ZGRF1: variants seen among roughly 807,000 people sequenced by gnomAD.
The protein encoded by ZGRF1 is zinc finger GRF-type containing 1.
In ZGRF1, 196 loss-of-function variants were observed where a neutral mutation model predicts 203.5. That is an observed-to-expected ratio of 0.96 (90% CI 0.86 to 1.08). The LOEUF (loss-of-function observed/expected upper bound fraction) is 1.08. ZGRF1 is among the 50% of genes least tolerant of loss of function. The pLI is 0.00. For synonymous variants in ZGRF1, 809 were observed against 841.3 expected (o/e 0.96, Z 0.66); for missense variants, 2,326 against 2,416.3 (o/e 0.96, Z 0.78).
rs916653915 is a variant in ZGRF1 at position 112,545,643 on chromosome 4, T to G, written c.5598+1642A>C. The stretch of plus-strand genomic sequence containing the variant: ...TTATACTTCTGGGTATGTATTGAAC[T>G]GAAAGCAGGGATTTGAACAAGTATC... On this transcript the variant is annotated intron_variant, in intron 24 of 27. Transcript: ENST00000505019. 4.6e-5 allele frequency among the ~76,000 whole-genome samples: 7 copies of G among 152,222 alleles called. No individual in the cohort carries two copies. The South Asian group carries it at 1.4e-3, about 31-fold the overall frequency.
intron 24 of ZGRF1, among the ~76,000 whole-genome samples, chr4:112,546,434 G>GTT (rs960590472): frequency 6.6e-6 from 1 of 151,916 alleles, no homozygotes; most frequent in African/African-American, 2.4e-5. Flanking sequence ...AGAAAAAAAA[G>GTT]TTTTTTTTAA....
intron 7 of ZGRF1, among the ~76,000 whole-genome samples, chr4:112,611,669 T>G (rs901324953): frequency 3.3e-5 from 5 of 152,188 alleles, no homozygotes; most frequent in African/African-American, 4.8e-5. Flanking sequence ...CACAATGAAC[T>G]CACAGGAGCT....
chr4:112,609,925 A>G (rs908085983), intron 7 of ZGRF1, among the ~76,000 whole-genome samples: 1 of 152,300 alleles, frequency 6.6e-6, no homozygotes, highest in Non-Finnish European at 1.5e-5. Context: ...AGACTGCTTG[A>G]GCCCATGAGT....
At chr4:112,607,208 T>C (rs555079445) in intron 8 of ZGRF1, among the ~76,000 whole-genome samples, 13 of 152,294 alleles carry the variant, frequency 8.5e-5, no homozygotes, top group African/African-American at 2.9e-4. Context: ...CACTGAAGCC[T>C]TGACCTCTGG....
intron 20 of ZGRF1, among the ~76,000 whole-genome samples, chr4:112,556,335 G>A (rs1740938428): frequency 6.6e-6 from 1 of 152,082 alleles, no homozygotes; most frequent in Non-Finnish European, 1.5e-5. Context: ...ATCAAAAATT[G>A]CTTAATGTAT....
At chr4:112,628,199 C>T (rs560453181) in intron 3 of ZGRF1, among the ~76,000 whole-genome samples, 12 of 152,196 alleles carry the variant, frequency 7.9e-5, no homozygotes, top group Non-Finnish European at 1.8e-4. Context: ...TAATAACAAA[C>T]TACCATTCAT....
intron 6 of ZGRF1, among the ~76,000 whole-genome samples, chr4:112,613,735 G>C (rs2046773337): frequency 6.6e-6 from 1 of 152,142 alleles, no homozygotes; most frequent in Non-Finnish European, 1.5e-5. Context: ...GTGCAGGGTG[G>C]CTAGTTTTGC....
At chr4:112,559,562 T>C (rs1246308300) in intron 19 of ZGRF1, among the ~76,000 whole-genome samples, 1 of 152,206 alleles carries the variant, frequency 6.6e-6, no homozygotes, top group Non-Finnish European at 1.5e-5. Context: ...AAGGCAAAAC[T>C]AGTGGTAGAT....
At position 112,618,526 on chromosome 4, in the gene ZGRF1, T is replaced by G; in HGVS notation, c.1516A>C (p.Ser506Arg). 1 of 1,613,274 alleles carries G rather than the reference T, an allele frequency of 6.2e-7. No individual in the cohort carries two copies. The highest frequency in any genetic ancestry group is 8.5e-7 in the Non-Finnish European group (1 of 1,179,580). The change falls in exon 6 of 28, where the codon AGT becomes CGT. Residue 506 changes from serine to arginine, a missense_variant. Physicochemically the swap from Ser to Arg is moderately radical, Grantham distance 110. Transcript: ENST00000505019. ...TTAAGACTTTCATTATCCATTTTAC[T>G]TTCAGAAATCATGTCTGTAATGTCA... ...SDDITDMISE[S>R]KMDNESLNSI...
chr4:112,541,060 T>C, intron 25 of ZGRF1, 32 bp downstream of exon 25: 2 of 1,555,062 alleles, frequency 1.3e-6, no homozygotes, highest in East Asian at 2.4e-5. Context: ...ACCTAAACCA[T>C]GTTGACTCTC....
At chr4:112,565,062 C>T (rs575861070) in intron 16 of ZGRF1, 162 of 1,231,768 alleles carry the variant, frequency 1.3e-4, no homozygotes, top group Admixed American at 2.0e-4. Flanking sequence ...CTACAAAAGC[C>T]GCTCGCAAGA....
In ZGRF1 at chr4:112,623,823, G is replaced by C. The variant is rs764440726; in HGVS notation, c.156C>G (p.Cys52Trp). The C allele has an allele frequency of 5.8e-6, 9 of 1,558,726 alleles. No individual in the cohort carries two copies. The highest frequency in any genetic ancestry group is 1.7e-4 in the Middle Eastern group (1 of 5,980). The change falls in exon 4 of 28, where the codon TGC becomes TGG. Residue 52 changes from cysteine (C) to tryptophan (W), a missense_variant. Coordinates refer to ENST00000505019, the MANE Select transcript of ZGRF1 (RefSeq NM_018392.5). Reference protein sequence around the residue: ...GACLESLFLKCLEVKPGDDLE... With the variant: ...GACLESLFLKWLEVKPGDDLE... The stretch of plus-strand genomic sequence containing the variant: ...GATAAACACACTAAAATACCTCAAG[G>C]CATTTAAGAAACAGACTCTCCAAAC...
Position 112,619,140 on chromosome 4 carries a change from T to C in ZGRF1, c.902A>G (p.Glu301Gly). The change falls in exon 6 of 28, where the codon GAG becomes GGG. Residue 301 changes from glutamate to glycine, a missense_variant. Glu to Gly is a moderately conservative substitution (Grantham distance 98). Coordinates refer to ENST00000505019, the MANE Select transcript of ZGRF1 (RefSeq NM_018392.5). ...TKPKYLIQQE[E>G]CAEMKSTENL... ...TTCTGTGCTCTTCATCTCAGCACAC[T>C]CTTCCTGTTGAATTAGGTACTTTGG... is the stretch of plus-strand genomic sequence containing the variant. 1.2e-6 allele frequency: 2 copies of C among 1,613,876 alleles called. No homozygotes were observed. Among genetic ancestry groups the C allele is most frequent in the Non-Finnish European group, 1.7e-6 (2 of 1,179,954 alleles).
At chr4:112,636,045 C>T (rs1306497354) in intron 1 of ZGRF1, among the ~76,000 whole-genome samples, 9 of 151,920 alleles carry the variant, frequency 5.9e-5, no homozygotes, top group Non-Finnish European at 1.5e-5. Context: ...AACACCCTTT[C>T]TTATCTTAGT....
chr4:112,588,992 T>C (rs1223313976), intron 11 of ZGRF1, among the ~76,000 whole-genome samples: 1 of 152,156 alleles, frequency 6.6e-6, no homozygotes, highest in Non-Finnish European at 1.5e-5. Context: ...CTTCTCTACC[T>C]TGTTGCCTTC....
intron 10 of ZGRF1, among the ~76,000 whole-genome samples, chr4:112,595,411 T>G (rs942252297): frequency 2.5e-4 from 38 of 152,054 alleles, no homozygotes; most frequent in Non-Finnish European, 8.8e-5. Flanking sequence ...CAAAGCAGTG[T>G]AATATACAAT....
At position 112,585,728 on chromosome 4, in the gene ZGRF1, A is replaced by AT; in HGVS notation, c.3917-4_3917-3insA. 8 of 1,461,220 alleles carry AT rather than the reference A, an allele frequency of 5.5e-6. No homozygotes were observed. The highest frequency in any genetic ancestry group is 6.3e-6 in the Non-Finnish European group (7 of 1,110,274). The allele number at this position is 1,461,220 out of a possible 1,614,324, so 90.5% of individuals were successfully genotyped here. On this transcript the variant is annotated splice_region_variant and splice_polypyrimidine_tract_variant and intron_variant, in intron 13 of 27. Transcript: ENST00000505019. The stretch of plus-strand genomic sequence containing the variant: ...AAACAGCAATATATTTAGATGTTCT[A>AT]CAAAAAAAAAAAAAAGAGAGCAGAA...
intron 3 of ZGRF1, among the ~76,000 whole-genome samples, chr4:112,630,743 T>G (rs866086023): frequency 9.9e-5 from 15 of 151,946 alleles, no homozygotes; most frequent in Non-Finnish European, 2.1e-4. Context: ...TACAAAAAAT[T>G]AGCCGGGCGT....
intron 16 of ZGRF1, among the ~76,000 whole-genome samples, chr4:112,571,209 G>A (rs1442676732): frequency 6.6e-6 from 1 of 151,580 alleles, no homozygotes; most frequent in East Asian, 1.9e-4. Flanking sequence ...CTTAAGATGT[G>A]TAAAAAGAAC....
Sources: allele counts gnomAD v4.1 joint callset (sites outside exome capture counted in the v4.1 genomes callset), GRCh38; gene constraint gnomAD v4.1.1; transcripts MANE v1.5; gene names NCBI Gene and HGNC (gene_info 2026-07-23, HGNC 2026-07-21).